HNF4G: variants seen among roughly 807,000 people sequenced by gnomAD.
HNF4G encodes hepatocyte nuclear factor 4 gamma.
Under a neutral mutation model 50.9 loss-of-function variants are expected in HNF4G, and 21 were observed. The ratio of observed to expected loss-of-function variants is 0.41; its 90% CI spans 0.29 to 0.59. The LOEUF (loss-of-function observed/expected upper bound fraction) is 0.59. HNF4G is among the 20% of genes least tolerant of loss of function. The pLI is 0.26. For missense variants in HNF4G, 527 were observed against 559.4 expected (o/e 0.94, Z 0.58); for synonymous variants, 198 against 185.6 (o/e 1.07, Z -0.54).
intron 1 of HNF4G, chr8:75,485,734 T>C (rs1812483491): frequency 6.6e-6 from 1 of 152,232 alleles, no homozygotes; most frequent in African/African-American, 2.4e-5. Context: ...TAATTTAAAA[T>C]CTATCTCTAT....
chr8:75,455,237 A>ATCCC (rs1159284771), intron 1 of HNF4G, among the ~76,000 whole-genome samples: 1 of 152,182 alleles, frequency 6.6e-6, no homozygotes, highest in Non-Finnish European at 1.5e-5. Flanking sequence ...TGTAAAAACA[A>ATCCC]AATGTAGTTC....
intron 2 of HNF4G, among the ~76,000 whole-genome samples, chr8:75,534,079 C>T (rs547389027): frequency 5.3e-4 from 81 of 151,948 alleles, no homozygotes; most frequent in African/African-American, 1.9e-3. Context: ...GGTACTGGCC[C>T]AAACTGATAA....
chr8:75,518,534 A>T (rs143353669), intron 2 of HNF4G, among the ~76,000 whole-genome samples: 2,045 of 152,216 alleles, frequency 0.013, 46 homozygotes, highest in African/African-American at 0.043. Context: ...ATGCACACAT[A>T]TGTTTATTGC....
intron 2 of HNF4G, among the ~76,000 whole-genome samples, chr8:75,491,093 G>A (rs1563527002): frequency 6.6e-6 from 1 of 152,116 alleles, no homozygotes; most frequent in Non-Finnish European, 1.5e-5. Context: ...CCATTTATGA[G>A]TTCTATGACT....
At chr8:75,444,908 T>G (rs990016647) in intron 1 of HNF4G, among the ~76,000 whole-genome samples, 2 of 130,212 alleles carry the variant, frequency 1.5e-5, no homozygotes, top group African/African-American at 6.3e-5. Context: ...GGAATTGAAC[T>G]CAGCTCTGCA....
At chr8:75,538,833 A>G (rs994638562), upstream of HNF4G, among the ~76,000 whole-genome samples, 8 of 152,184 alleles carry the variant, frequency 5.3e-5, no homozygotes, top group Admixed American at 4.6e-4. Flanking sequence ...GTACTTTAAG[A>G]GGCCAGCCTT....
intron 2 of HNF4G, among the ~76,000 whole-genome samples, chr8:75,529,030 T>C (rs28378609): frequency 0.13 from 19,524 of 151,970 alleles, 1,555 homozygotes; most frequent in East Asian, 0.19. Context: ...CTAACGCCTG[T>C]AATCCCAGCA....
intron 2 of HNF4G, among the ~76,000 whole-genome samples, chr8:75,495,058 G>A (rs1812732917): frequency 1.3e-5 from 2 of 152,076 alleles, no homozygotes; most frequent in African/African-American, 4.8e-5. Context: ...AGAATAAGAT[G>A]AATATGATAG....
intron 1 of HNF4G, chr8:75,485,938 TAA>T (rs1410279065): frequency 1.2e-4 from 18 of 152,318 alleles, no homozygotes; most frequent in African/African-American, 3.4e-4. Flanking sequence ...TCTTTGGAGT[TAA>T]GTCATACTGC....
chr8:75,409,397 G>T (rs1271144367), intron 1 of HNF4G, among the ~76,000 whole-genome samples: 1 of 150,312 alleles, frequency 6.7e-6, no homozygotes, highest in Non-Finnish European at 1.5e-5. Context: ...ATGGGATAGC[G>T]CAAATTTATT....
intron 1 of HNF4G, among the ~76,000 whole-genome samples, chr8:75,447,692 T>C (rs1012792915): frequency 2.6e-5 from 4 of 151,950 alleles, no homozygotes; most frequent in Non-Finnish European, 5.9e-5. Flanking sequence ...ATGCTCATCA[T>C]CACTGGTCAT....
chr8:75,466,585 C>CTTCT (rs1386257042), intron 1 of HNF4G, among the ~76,000 whole-genome samples: 5 of 100,428 alleles, frequency 5.0e-5, no homozygotes, highest in African/African-American at 1.9e-4. Flanking sequence ...TCCTTCCTTC[C>CTTCT]TTCCTTCCTT....
intron 2 of HNF4G, among the ~76,000 whole-genome samples, chr8:75,530,810 T>TTTTTTGGCA (rs1806307377): frequency 6.6e-6 from 1 of 150,796 alleles, no homozygotes; most frequent in African/African-American, 2.4e-5. Flanking sequence ...TTTTTTTTTT[T>TTTTTTGGCA]GAGACAGGGT....
At chr8:75,448,990 T>C (rs540750810) in intron 1 of HNF4G, among the ~76,000 whole-genome samples, 1 of 152,142 alleles carries the variant, frequency 6.6e-6, no homozygotes, top group Non-Finnish European at 1.5e-5. Flanking sequence ...AATAGCATAA[T>C]TTCACAAAAA....
At chr8:75,452,984 A>C (rs1811622074) in intron 1 of HNF4G, among the ~76,000 whole-genome samples, 1 of 152,212 alleles carries the variant, frequency 6.6e-6, no homozygotes, top group Non-Finnish European at 1.5e-5. Context: ...GAGGAAATGA[A>C]TGATTATGTA....
intron 2 of HNF4G, among the ~76,000 whole-genome samples, chr8:75,509,482 A>C (rs527983025): frequency 6.6e-6 from 1 of 152,312 alleles, no homozygotes; most frequent in South Asian, 2.1e-4. Flanking sequence ...GCATTATGGG[A>C]CACATGTATT....
chr8:75,461,882 AT>A (rs1227031133), intron 1 of HNF4G, among the ~76,000 whole-genome samples: 2 of 130,436 alleles, frequency 1.5e-5, no homozygotes, highest in South Asian at 2.4e-4. Context: ...TTAAAAAAAA[AT>A]AAATATATAA....
intron 1 of HNF4G, among the ~76,000 whole-genome samples, chr8:75,464,466 A>G (rs1004706847): frequency 6.6e-6 from 1 of 151,874 alleles, no homozygotes; most frequent in South Asian, 2.1e-4. Context: ...TCAAAGTTTT[A>G]TATTGTCTCA....
chr8:75,564,423 T>G lies in HNF4G; in HGVS notation c.*327T>G. ...AATGTTAATTTAAATCTGTAAATAA[T>G]TGCTTTATTGTGATGTGATACAGAA... is the stretch of plus-strand genomic sequence containing the variant. On this transcript the variant is annotated 3_prime_UTR_variant, in exon 10 of 10. Coordinates refer to ENST00000396423, the MANE Select transcript of HNF4G (RefSeq NM_004133.5). 1 of 181,258 alleles carries G rather than the reference T, an allele frequency of 5.5e-6. No individual in the cohort carries two copies. The highest frequency in any genetic ancestry group is 1.2e-5 in the Non-Finnish European group (1 of 86,898). 11.2% of individuals were successfully genotyped at this position (181,258 alleles called of 1,614,324 possible).
Sources: allele counts gnomAD v4.1 joint callset (sites outside exome capture counted in the v4.1 genomes callset), GRCh38; gene constraint gnomAD v4.1.1; transcripts MANE v1.5; gene names NCBI Gene and HGNC (gene_info 2026-07-23, HGNC 2026-07-21).